The following MELK variants were observed in gnomAD, a reference collection of about 807,000 sequenced individuals.
The protein encoded by MELK is maternal embryonic leucine zipper kinase.
A neutral mutation model predicts 85.0 loss-of-function variants in MELK; 81 were observed. That is an observed-to-expected ratio of 0.95 (90% confidence interval 0.80 to 1.15). The LOEUF is 1.15. MELK is among the 50% of genes most tolerant of loss of function. The pLI is 0.00. For missense variants in MELK, 754 were observed against 777.5 expected, an observed-to-expected ratio of 0.97 and a Z score of 0.36; for synonymous variants, 252 against 265.0, an observed-to-expected ratio of 0.95 and a Z score of 0.48.
rs34671966 is a variant in MELK, at chr9:36,642,418, C to CTT, written c.835-552_835-551dup. ...ACAGTCCCTGGGCTGTACAACAGAA[C>CTT]TTTTTTTTTTTTTTTTTTTTTTTTT... On this transcript the variant is annotated intron_variant, in intron 10 of 17. Coordinates refer to ENST00000298048, the MANE Select transcript of MELK (RefSeq NM_014791.4). 5.6e-3 allele frequency among the ~76,000 whole-genome samples: 478 copies of CTT among 84,784 alleles called. 55 individuals carry two copies. Among genetic ancestry groups the CTT allele is most frequent in the South Asian group, 0.017 (36 of 2,106 alleles). The allele number at this position is 84,784 out of a possible 152,430, so 55.6% of individuals were successfully genotyped here. A position where few individuals can be genotyped will look rare whatever the true frequency, so the allele number is the denominator to read the frequency against.
chr9:36,650,869 A>C (rs1187022668), intron 11 of MELK, among the ~76,000 whole-genome samples: 1 of 152,240 alleles, frequency 6.6e-6, no homozygotes, highest in Non-Finnish European at 1.5e-5. Context: ...GTGGGGAAGC[A>C]GTTAGCAGAT....
At chr9:36,586,530 G>T (rs1231272836) in intron 3 of MELK, among the ~76,000 whole-genome samples, 1 of 151,816 alleles carries the variant, frequency 6.6e-6, no homozygotes, top group Non-Finnish European at 1.5e-5. Context: ...TCAATTTTTT[G>T]TTTTCTATTT....
At chr9:36,604,637 G>C (rs866258610) in intron 7 of MELK, among the ~76,000 whole-genome samples, 15 of 151,596 alleles carry the variant, frequency 9.9e-5, no homozygotes, top group South Asian at 2.1e-4. Context: ...ACAGGCGTGA[G>C]CCACCATGCC....
chr9:36,593,774 C>T (rs76353540), intron 4 of MELK, among the ~76,000 whole-genome samples: 37 of 152,272 alleles, frequency 2.4e-4, no homozygotes, highest in Middle Eastern at 3.4e-3. Flanking sequence ...TCACTGCAAC[C>T]TCTGCCTCCC....
intron 8 of MELK, among the ~76,000 whole-genome samples, chr9:36,628,082 G>A (rs1343212415): frequency 2.0e-5 from 3 of 151,190 alleles, no homozygotes; most frequent in African/African-American, 7.3e-5. Flanking sequence ...TTTGTATTTA[G>A]TAGAGACGGG....
intron 8 of MELK, among the ~76,000 whole-genome samples, chr9:36,611,438 T>A: frequency 6.6e-6 from 1 of 152,194 alleles, no homozygotes; most frequent in South Asian, 2.1e-4. Context: ...GTACTCTCTC[T>A]CAGGGTGGGG....
chr9:36,667,386 C>A (rs539999687), intron 14 of MELK, among the ~76,000 whole-genome samples: 40 of 152,284 alleles, frequency 2.6e-4, no homozygotes, highest in African/African-American at 7.9e-4. Flanking sequence ...AAACTCCTGA[C>A]CTCAGGTGAT....
intron 8 of MELK, 48 bp from the exon 9 acceptor site, chr9:36,630,251 T>C: frequency 5.7e-6 from 8 of 1,409,836 alleles, no homozygotes; most frequent in Non-Finnish European, 8.0e-6. Context: ...AAGGAATTTG[T>C]GTCAAGGCTG....
chr9:36,656,719 G>C (rs1300580693), intron 12 of MELK, among the ~76,000 whole-genome samples: 1 of 151,758 alleles, frequency 6.6e-6, no homozygotes, highest in Non-Finnish European at 1.5e-5. Context: ...CCTCCACCTG[G>C]TGGACTCAAG....
At chr9:36,618,751 G>T (rs760522884) in intron 8 of MELK, among the ~76,000 whole-genome samples, 1 of 152,112 alleles carries the variant, frequency 6.6e-6, no homozygotes, top group Non-Finnish European at 1.5e-5. Flanking sequence ...CCATGTAACT[G>T]TGCTCCTGTA....
At chr9:36,628,053 C>A (rs1309786420) in intron 8 of MELK, among the ~76,000 whole-genome samples, 1 of 151,810 alleles carries the variant, frequency 6.6e-6, no homozygotes, top group African/African-American at 2.4e-5. Context: ...AGACATGCGC[C>A]ACCACGCCTG....
At position 36,583,731 on chromosome 9, in the gene MELK, A is replaced by T. The variant is rs773441837; in HGVS notation, c.144+19A>T. ...ACTAGGGGTAAGTTTAGATTTATTT[A>T]AAAAATAGTCCACTTATAGATCAGT... On this transcript the variant is annotated intron_variant, in intron 3 of 17. Transcript: ENST00000298048. 1 of 1,535,766 alleles carries T rather than the reference A, an allele frequency of 6.5e-7. No homozygotes were observed. The highest frequency in any genetic ancestry group is 1.1e-5 in the South Asian group (1 of 88,254).
rs758725930 is a variant in MELK at position 36,677,327 on chromosome 9, G to A, written c.1946G>A (p.Cys649Tyr). 2 of 1,612,194 alleles carry A rather than the reference G, an allele frequency of 1.2e-6. No homozygotes were observed. The highest frequency in any genetic ancestry group is 1.7e-6 in the Non-Finnish European group (2 of 1,178,980). ...KRLVEDILSSCKV is the reference protein window; with the variant it reads ...KRLVEDILSSYKV ...TTAGTGGAAGACATCCTATCTAGCT[G>A]CAAGGTATAATTGATGGATTCTTCC... Residue 649 changes from cysteine to tyrosine, a missense_variant, in exon 18 of 18, where the codon TGC (cysteine) becomes TAC (tyrosine). By Grantham distance (194) the Cys-to-Tyr change is radical. Coordinates refer to ENST00000298048, the MANE Select transcript of MELK (RefSeq NM_014791.4).
chr9:36,637,742 A>G (rs1424136412), intron 10 of MELK, among the ~76,000 whole-genome samples: 1 of 152,164 alleles, frequency 6.6e-6, no homozygotes, highest in Non-Finnish European at 1.5e-5. Flanking sequence ...TCGTCTTGGA[A>G]AGATAGACTA....
intron 2 of MELK, among the ~76,000 whole-genome samples, chr9:36,582,572 T>C (rs1050895953): frequency 6.6e-6 from 1 of 152,198 alleles, no homozygotes; most frequent in Non-Finnish European, 1.5e-5. Context: ...TAACATATAG[T>C]AAAATATGCA....
In MELK at chr9:36,583,723, A is replaced by C; in HGVS notation, c.144+11A>C. 1 of 1,576,190 alleles carries C rather than the reference A, an allele frequency of 6.3e-7. No homozygotes were observed. The highest frequency in any genetic ancestry group is 8.7e-7 in the Non-Finnish European group (1 of 1,148,058). ...AAAAACACACTAGGGGTAAGTTTAGATTTATTTAAAAAATAGTCCACTTAT... is the reference window on the plus strand; with the variant it reads ...AAAAACACACTAGGGGTAAGTTTAGCTTTATTTAAAAAATAGTCCACTTAT... On this transcript the variant is annotated intron_variant, in intron 3 of 17. Coordinates refer to ENST00000298048, the MANE Select transcript of MELK (RefSeq NM_014791.4).
At chr9:36,626,794 CT>C (rs1323213253) in intron 8 of MELK, among the ~76,000 whole-genome samples, 1 of 151,690 alleles carries the variant, frequency 6.6e-6, no homozygotes, top group African/African-American at 2.4e-5. Flanking sequence ...CCTATCTCTA[CT>C]AAAAATACAA....
chr9:36,634,219 T>C (rs2136603583), intron 10 of MELK, among the ~76,000 whole-genome samples: 1 of 152,342 alleles, frequency 6.6e-6, no homozygotes, highest in Non-Finnish European at 1.5e-5. Context: ...CTCAAGATCA[T>C]GGTGGCAAAT....
chr9:36,580,281 G>C (rs1822089542), intron 1 of MELK, among the ~76,000 whole-genome samples: 2 of 151,890 alleles, frequency 1.3e-5, no homozygotes, highest in African/African-American at 4.8e-5. Context: ...ACCCGCCTCG[G>C]CCTCCCAAAG....
Sources: gnomAD v4.1 joint callset for allele counts (sites outside exome capture counted in the v4.1 genomes callset) on GRCh38, gnomAD v4.1.1 for gene constraint, MANE v1.5 for transcripts, NCBI Gene and HGNC (gene_info 2026-07-23, HGNC 2026-07-21) for gene names.